DNAH11: variants seen among roughly 807,000 people sequenced by gnomAD.
DNAH11 encodes the protein dynein axonemal heavy chain 11.
In DNAH11, 442 loss-of-function variants were observed where a neutral mutation model predicts 526.0. The observed-to-expected ratio is 0.84, with a 90% confidence interval of 0.78 to 0.91. The LOEUF (loss-of-function observed/expected upper bound fraction) is 0.91, where lower values mean the gene tolerates loss of function less well. Among genes scored for constraint, DNAH11 ranks in the 40% least tolerant of loss-of-function variants. The probability of loss-of-function intolerance (pLI) is 0.00; values close to 1 mark genes in which losing one functional copy is unlikely to be tolerated. For synonymous variants in DNAH11, 2,461 were observed against 1,935.9 expected, an observed-to-expected ratio of 1.27 and a Z score of -7.12; for missense variants, 6,989 against 5,448.7, an observed-to-expected ratio of 1.28 and a Z score of -8.90.
chr7:21,819,052 C>G (rs753379484), intron 65 of DNAH11, among the ~76,000 whole-genome samples: 3 of 152,118 alleles, frequency 2.0e-5, no homozygotes, highest in Non-Finnish European at 4.4e-5. Flanking sequence ...GCAATTGTGT[C>G]TTCAATCAAG....
At chr7:21,674,857 G>GA (rs573452588) in intron 30 of DNAH11, among the ~76,000 whole-genome samples, 83 of 146,824 alleles carry the variant, frequency 5.7e-4, no homozygotes, top group African/African-American at 1.4e-3. Context: ...CCCAACTGCA[G>GA]AAAAAAAAAA....
intron 30 of DNAH11, among the ~76,000 whole-genome samples, chr7:21,675,468 T>G (rs1010309980): frequency 1.3e-5 from 2 of 152,238 alleles, no homozygotes; most frequent in African/African-American, 4.8e-5. Context: ...CTAATCCCTA[T>G]ATCAGGCAAG....
At chr7:21,862,559 T>C (rs1783106411) in intron 69 of DNAH11, among the ~76,000 whole-genome samples, 1 of 152,198 alleles carries the variant, frequency 6.6e-6, no homozygotes, top group Non-Finnish European at 1.5e-5. Context: ...AGGAGATGGA[T>C]ATATGAATTA....
At chr7:21,809,514 A>C (rs1355163247) in intron 63 of DNAH11, among the ~76,000 whole-genome samples, 1 of 152,018 alleles carries the variant, frequency 6.6e-6, no homozygotes, top group Non-Finnish European at 1.5e-5. Context: ...TTAAGTCTTT[A>C]ATCCATTTTG....
At position 21,570,007 on chromosome 7, in the gene DNAH11, C is replaced by T. The variant is rs56832849; in HGVS notation, c.1195-62C>T. ...TAAAAATGATTCTTTGAAACAGAGA[C>T]GGTTACAGGGAAAAACTGTTAAACA... On this transcript the variant is annotated intron_variant, in intron 6 of 81. Transcript: ENST00000409508. 197,711 of 1,291,560 alleles carry T rather than the reference C, an allele frequency of 0.15. 16,774 individuals are homozygous for T. The highest frequency in any genetic ancestry group is 0.26 in the East Asian group (10,188 of 38,888). The allele number at this position is 1,291,560 out of a possible 1,614,324, so 80.0% of individuals were successfully genotyped here.
At chr7:21,660,753 A>T (rs1291524303) in intron 30 of DNAH11, among the ~76,000 whole-genome samples, 4 of 152,026 alleles carry the variant, frequency 2.6e-5, no homozygotes, top group Non-Finnish European at 4.4e-5. Context: ...GTAGCTATTT[A>T]TATATAAGTG....
intron 23 of DNAH11, 142 bp from the exon 24 acceptor site, chr7:21,618,958 T>A (rs1295218186): frequency 2.1e-5 from 23 of 1,089,426 alleles, no homozygotes; most frequent in Non-Finnish European, 3.0e-5. Flanking sequence ...TGTCTTAGAT[T>A]CTCCACGTAT....
intron 63 of DNAH11, among the ~76,000 whole-genome samples, chr7:21,814,314 T>A (rs1295601564): frequency 6.6e-6 from 1 of 152,022 alleles, no homozygotes; most frequent in African/African-American, 2.4e-5. Context: ...CACTGTACAC[T>A]TAGCCTACAC....
intron 55 of DNAH11, among the ~76,000 whole-genome samples, chr7:21,771,056 A>C (rs926824304): frequency 6.6e-6 from 1 of 152,268 alleles, no homozygotes; most frequent in African/African-American, 2.4e-5. Flanking sequence ...TGACATATTT[A>C]AAATTTAACA....
intron 55 of DNAH11, among the ~76,000 whole-genome samples, chr7:21,766,548 C>T (rs1787193374): frequency 6.6e-6 from 1 of 152,126 alleles, no homozygotes; most frequent in African/African-American, 2.4e-5. Flanking sequence ...CCACCGTTAC[C>T]CAAAAGGCAT....
chr7:21,862,429 G>A (rs570768654), intron 69 of DNAH11, among the ~76,000 whole-genome samples: 3 of 152,196 alleles, frequency 2.0e-5, no homozygotes, highest in African/African-American at 4.8e-5. Flanking sequence ...GACTGGGTTC[G>A]TCCATGTTGT....
At position 21,582,022 on chromosome 7, in the gene DNAH11, G is replaced by T; in HGVS notation, c.1710+1G>T. ...CAATGGCTTAGAAGCTGCATTTAAG[G>T]TTAGTTCTGAAGAAGCTATCATAAA... On this transcript the variant is annotated splice_donor_variant, in intron 9 of 81. Coordinates refer to ENST00000409508, the MANE Select transcript of DNAH11 (RefSeq NM_001277115.2). LOFTEE classifies it high-confidence loss of function. 1 of 1,592,840 alleles carries T rather than the reference G, an allele frequency of 6.3e-7. No individual in the cohort carries two copies. Among genetic ancestry groups the T allele is most frequent in the Non-Finnish European group, 8.6e-7 (1 of 1,161,384 alleles).
rs1345311391 is a variant in DNAH11, at chr7:21,707,724, A to G, written c.6572A>G (p.Tyr2191Cys). ...SKILRTLNRTYVNMKQKPVWN... is the reference protein window; with the variant it reads ...SKILRTLNRTCVNMKQKPVWN... The stretch of plus-strand genomic sequence containing the variant: ...ATTTTGAGAACACTGAACCGAACAT[A>G]TGTTAACATGAAACAGAAGCCGGTT... The change falls in exon 40 of 82, where the codon TAT becomes TGT. Residue 2191 changes from tyrosine to cysteine, a missense_variant. By Grantham distance (194) the Tyr-to-Cys change is radical. Coordinates refer to ENST00000409508, the MANE Select transcript of DNAH11 (RefSeq NM_001277115.2). 4 of 1,613,360 alleles carry G rather than the reference A, an allele frequency of 2.5e-6. No individual in the cohort carries two copies. The African/African-American group carries it at 4.0e-5, about 16-fold the overall frequency.
intron 28 of DNAH11, among the ~76,000 whole-genome samples, chr7:21,639,442 T>C (rs77376445): frequency 0.014 from 2,109 of 152,262 alleles, 51 homozygotes; most frequent in African/African-American, 0.048. Context: ...GCTGGTACCT[T>C]CTTACTCCTC....
chr7:21,857,316 A>G (rs1295678769), intron 68 of DNAH11, among the ~76,000 whole-genome samples: 1 of 152,200 alleles, frequency 6.6e-6, no homozygotes, highest in Non-Finnish European at 1.5e-5. Context: ...GAAAAATTAA[A>G]GAAGTCCTAA....
At chr7:21,783,599 C>T (rs1375253676) in intron 57 of DNAH11, among the ~76,000 whole-genome samples, 2 of 152,180 alleles carry the variant, frequency 1.3e-5, no homozygotes, top group East Asian at 3.9e-4. Context: ...CCTGGCCTTT[C>T]AGATTCTATA....
At chr7:21,613,934 A>AGT (rs1554321040) in intron 20 of DNAH11, among the ~76,000 whole-genome samples, 1 of 142,802 alleles carries the variant, frequency 7.0e-6, no homozygotes, top group African/African-American at 2.6e-5. Flanking sequence ...TGCCCAGCTA[A>AGT]TTTTTTTTTT....
chr7:21,724,429 G>C (rs992456223), intron 44 of DNAH11, among the ~76,000 whole-genome samples: 3 of 152,206 alleles, frequency 2.0e-5, no homozygotes, highest in Admixed American at 6.5e-5. Flanking sequence ...ACATAGGGAC[G>C]TCAAAGTAAA....
At chr7:21,868,780 G>C (rs1783384258) in intron 72 of DNAH11, 84 bp from the exon 73 acceptor site, 2 of 1,546,942 alleles carry the variant, frequency 1.3e-6, no homozygotes, top group Admixed American at 3.6e-5. Flanking sequence ...GGTGACCACA[G>C]ATGTGCATTA....
Sources: gnomAD v4.1 joint callset for allele counts (sites outside exome capture counted in the v4.1 genomes callset) on GRCh38, gnomAD v4.1.1 for gene constraint, MANE v1.5 for transcripts, NCBI Gene and HGNC (gene_info 2026-07-23, HGNC 2026-07-21) for gene names.